Variants in CR2 observed in about 807,000 individuals in gnomAD.
CR2 encodes complement C3d receptor 2.
In CR2, 96 loss-of-function variants were observed where a neutral mutation model predicts 123.0. The ratio of observed to expected loss-of-function variants is 0.78; its 90% CI spans 0.66 to 0.93. The LOEUF (loss-of-function observed/expected upper bound fraction) is 0.93. Ranked by LOEUF, CR2 falls within the 40% of genes least tolerant of loss-of-function variation. The pLI is 0.00. For missense variants in CR2, 1,258 were observed against 1,361.0 expected (o/e 0.92, Z 1.19); for synonymous variants, 484 against 469.5 (o/e 1.03, Z -0.40).
intron 1 of CR2, among the ~76,000 whole-genome samples, chr1:207,455,335 C>T (rs574208133): frequency 3.9e-5 from 6 of 152,224 alleles, no homozygotes; most frequent in Non-Finnish European, 8.8e-5. Flanking sequence ...CCCTGATCTT[C>T]AGTTTCTTCA....
Position 207,470,907 on chromosome 1 carries a change from C to T in CR2, c.1393C>T (p.Gln465Ter). 1 of 1,613,784 alleles carries T rather than the reference C, an allele frequency of 6.2e-7. No homozygotes were observed. The highest frequency in any genetic ancestry group is 2.2e-5 in the East Asian group (1 of 44,876). Residue 465 changes from glutamine (Q) to a stop codon, truncating the protein, a stop_gained, in exon 7 of 20, where the codon CAA becomes TAA. Transcript: ENST00000367057. LOFTEE classifies it high-confidence loss of function. ...SEGVWTPPVP[Q>*]CKVAACEATG... The stretch of plus-strand genomic sequence containing the variant: ...GGGGGTGTGGACACCCCCTGTACCC[C>T]AATGCAAAGGTGCCAGGCCTCAAAT...
At chr1:207,484,575 T>C (rs1658697341) in intron 18 of CR2, among the ~76,000 whole-genome samples, 1 of 152,180 alleles carries the variant, frequency 6.6e-6, no homozygotes, top group African/African-American at 2.4e-5. Flanking sequence ...TGTTTTATAA[T>C]CTTCTTAACA....
chr1:207,470,189 GTCCAGTTTATACT>G, intron 6 of CR2, 87 bp downstream of exon 6: 1 of 1,495,780 alleles, frequency 6.7e-7, no homozygotes, highest in Non-Finnish European at 9.2e-7. Context: ...GTAGGGCCTT[GTCCAGTTTATACT>G]TCCCTCAAAT....
chr1:207,475,575 C>T (rs368075521), intron 14 of CR2, among the ~76,000 whole-genome samples: 4 of 152,264 alleles, frequency 2.6e-5, no homozygotes, highest in African/African-American at 9.6e-5. Flanking sequence ...ATGTTGCCAG[C>T]CAGAAAGAGA....
rs1247787255 is a variant in CR2 at position 207,469,830 on chromosome 1, T to C, written c.953T>C (p.Ile318Thr). The C allele has an allele frequency of 1.2e-6, 2 of 1,613,872 alleles. No individual in the cohort carries two copies. The highest frequency in any genetic ancestry group is 1.3e-5 in the African/African-American group (1 of 74,900). The change falls in exon 6 of 20, where the codon ATT (isoleucine) becomes ACT (threonine). Residue 318 changes from isoleucine (I) to threonine (T), a missense_variant. By Grantham distance (89) the Ile-to-Thr change is moderately conservative. Transcript: ENST00000367057. ...DPEEGVNFILIGESTLRCTVD... is the reference protein window; with the variant it reads ...DPEEGVNFILTGESTLRCTVD... ...GAGGAAGGAGTGAACTTCATCCTTA[T>C]TGGAGAGAGCACTCTCCGTTGTACA...
intron 1 of CR2, among the ~76,000 whole-genome samples, chr1:207,459,920 T>A (rs1227046394): frequency 1.3e-5 from 2 of 152,080 alleles, no homozygotes; most frequent in East Asian, 3.9e-4. Context: ...GACCCTCCCA[T>A]TTTTTATCAT....
chr1:207,474,979 G>T lies in CR2; in HGVS notation c.2479G>T (p.Gly827Ter), dbSNP rs1381427186. 1.2e-6 allele frequency: 2 copies of T among 1,614,096 alleles called. No individual in the cohort carries two copies. Among genetic ancestry groups the T allele is most frequent in the African/African-American group, 2.7e-5 (2 of 75,038 alleles). Reference protein sequence around the residue: ...KKLQCRSDSKGHGSWSGPSPQ... With the variant: ...KKLQCRSDSK Reference sequence around the variant, plus strand: ...ATTGCAGTGCAGAAGTGATTCTAAAGGACATGGATCTTGGAGCGGGCCTTC... The same window carrying T: ...ATTGCAGTGCAGAAGTGATTCTAAATGACATGGATCTTGGAGCGGGCCTTC... The change falls in exon 14 of 20, where the codon GGA becomes TGA. Residue 827 changes from glycine to a stop codon, truncating the protein, a stop_gained. Coordinates refer to ENST00000367057, the MANE Select transcript of CR2 (RefSeq NM_001006658.3). LOFTEE classifies it high-confidence loss of function.
At chr1:207,470,170 G>T in intron 6 of CR2, 68 bp downstream of exon 6, 3 of 1,584,432 alleles carry the variant, frequency 1.9e-6, no homozygotes, top group Non-Finnish European at 2.6e-6. Context: ...AAGGGGTTGT[G>T]GGCTTTAGGT....
intron 14 of CR2, 61 bp from the exon 15 acceptor site, chr1:207,476,173 A>G: frequency 6.6e-7 from 1 of 1,508,154 alleles, no homozygotes; most frequent in South Asian, 1.1e-5. Context: ...TCACCCAGAG[A>G]TAGTGCAGGC....
intron 15 of CR2, among the ~76,000 whole-genome samples, chr1:207,477,515 C>T (rs1658475732): frequency 6.6e-6 from 1 of 152,092 alleles, no homozygotes; most frequent in Non-Finnish European, 1.5e-5. Context: ...AAAGCACGCA[C>T]ATGTATGAAG....
chr1:207,483,752 G>A (rs1271516917), intron 18 of CR2, among the ~76,000 whole-genome samples: 2 of 152,130 alleles, frequency 1.3e-5, no homozygotes, highest in Admixed American at 1.3e-4. Flanking sequence ...GATTTGTGGG[G>A]GAAGATGAGG....
Position 207,472,964 on chromosome 1 carries a change from G to A in CR2, c.1763G>A (p.Gly588Asp). The change falls in exon 10 of 20, where the codon GGC (glycine) becomes GAC (aspartate). Residue 588 changes from glycine to aspartate, a missense_variant. Coordinates refer to ENST00000367057, the MANE Select transcript of CR2 (RefSeq NM_001006658.3). ...SNDQERGTWSGPAPLCKLSLL... is the reference protein window; with the variant it reads ...SNDQERGTWSDPAPLCKLSLL... ...GATCAAGAAAGAGGCACCTGGAGTG[G>A]CCCTGCTCCCCTGTGTAAACTTTCC... 1 of 1,614,000 alleles carries A rather than the reference G, an allele frequency of 6.2e-7. No homozygotes were observed. Among genetic ancestry groups the A allele is most frequent in the Non-Finnish European group, 8.5e-7 (1 of 1,179,944 alleles).
Position 207,466,913 on chromosome 1 carries a change from G to T in CR2, c.445+1G>T. 1 of 1,582,386 alleles carries T rather than the reference G, an allele frequency of 6.3e-7. No homozygotes were observed. ...ACACGACTACCAACCTGTGTAAGTG[G>T]TGAGTATGAAAAGAAAGCTGGGTTG... On this transcript the variant is annotated splice_donor_variant, in intron 2 of 19. Transcript: ENST00000367057. LOFTEE classifies it high-confidence loss of function.
chr1:207,470,056 C>T lies in CR2; in HGVS notation c.1179C>T (p.Cys393=), dbSNP rs1658222998. The part of the protein sequence containing the change: ...FTLKGSKQIR[C]NAQGTWEPSA... ...TGAAGGGCAGCAAGCAAATCCGATGCAATGCCCAAGGCACATGGGAGCCAT... is the reference window on the plus strand; with the variant it reads ...TGAAGGGCAGCAAGCAAATCCGATGTAATGCCCAAGGCACATGGGAGCCAT... The change falls in exon 6 of 20, where the codon TGC becomes TGT. Residue 393 remains cysteine, a synonymous_variant. Transcript: ENST00000367057. The T allele has an allele frequency of 6.2e-7, 1 of 1,613,840 alleles. No homozygotes were observed. Among genetic ancestry groups the T allele is most frequent in the African/African-American group, 1.3e-5 (1 of 74,904 alleles).
intron 19 of CR2, 48 bp downstream of exon 19, chr1:207,485,620 C>T (rs2102315272): frequency 8.9e-7 from 1 of 1,123,218 alleles, no homozygotes; most frequent in South Asian, 1.3e-5. Context: ...AAATTTCCTT[C>T]AACTTGTATT....
At chr1:207,468,455 G>A in intron 2 of CR2, 72 bp from the exon 3 acceptor site, 1 of 1,511,112 alleles carries the variant, frequency 6.6e-7, no homozygotes, top group Non-Finnish European at 9.2e-7. Flanking sequence ...CAAAAGATTG[G>A]ACCCCCTTGA....
intron 8 of CR2, 105 bp from the exon 9 acceptor site, chr1:207,471,318 T>A (rs1469518484): frequency 1.0e-6 from 1 of 984,464 alleles, no homozygotes; most frequent in Admixed American, 1.7e-5. Context: ...TTTTTGTTGC[T>A]ATTGCTTCTT....
rs762638244 is a variant in CR2, at chr1:207,473,813, A to T, written c.2168A>T (p.His723Leu). ...CTTGCTTCTCCAGAAACATGCCAGC[A>T]TGTGAGACAGAGTCTTCAAGAACTT... is the stretch of plus-strand genomic sequence containing the variant. ...SAPRCEETCQ[H>L]VRQSLQELPA... Residue 723 changes from histidine (H) to leucine (L), a missense_variant, in exon 12 of 20, where the codon CAT becomes CTT. Physicochemically the swap from His to Leu is moderately conservative, Grantham distance 99. Coordinates refer to ENST00000367057, the MANE Select transcript of CR2 (RefSeq NM_001006658.3). The T allele has an allele frequency of 6.2e-7, 1 of 1,613,894 alleles. No individual in the cohort carries two copies. The highest frequency in any genetic ancestry group is 1.3e-5 in the African/African-American group (1 of 74,928).
At chr1:207,485,617 C>T (rs973599235) in intron 19 of CR2, 45 bp downstream of exon 19, 4 of 1,158,556 alleles carry the variant, frequency 3.5e-6, no homozygotes, top group Non-Finnish European at 5.2e-6. Flanking sequence ...ATAAAATTTC[C>T]TTCAACTTGT....
Sources: allele counts gnomAD v4.1 joint callset (sites outside exome capture counted in the v4.1 genomes callset), GRCh38; gene constraint gnomAD v4.1.1; transcripts MANE v1.5; gene names NCBI Gene and HGNC (gene_info 2026-07-23, HGNC 2026-07-21).